Variants in EPHA6 observed in about 807,000 individuals in gnomAD.
EPHA6 encodes the protein EPH receptor A6.
In EPHA6, 50 loss-of-function variants were observed where a neutral mutation model predicts 112.0. That is an observed-to-expected ratio of 0.45 (90% CI 0.36 to 0.56). The LOEUF (loss-of-function observed/expected upper bound fraction) is 0.56, where lower values mean the gene tolerates loss of function less well. EPHA6 is among the 20% of genes least tolerant of loss of function. EPHA6 has a pLI of 0.00. For synonymous variants in EPHA6, 529 were observed against 490.7 expected (o/e 1.08, Z -1.03); for missense variants, 1,280 against 1,417.4 (o/e 0.90, Z 1.56).
chr3:97,568,280 C>G (rs1437082848), intron 11 of EPHA6, among the ~76,000 whole-genome samples: 1 of 152,134 alleles, frequency 6.6e-6, no homozygotes, highest in Admixed American at 6.5e-5. Context: ...TACAGAGAAT[C>G]ACACTGTATT....
chr3:96,873,152 C>G (rs1326450581), intron 2 of EPHA6, among the ~76,000 whole-genome samples: 6 of 151,936 alleles, frequency 3.9e-5, no homozygotes, highest in Admixed American at 6.6e-5. Flanking sequence ...GTAATCCTAG[C>G]TACTCAGGAG....
Position 97,081,256 on chromosome 3 carries a change from G to A in EPHA6, c.1114+93263G>A, listed in dbSNP as rs1016083043. ...TTTTAAAATATCTTCCAAAATTTTA[G>A]GAAAAATTACAAATAAACTATAACA... On this transcript the variant is annotated intron_variant, in intron 3 of 17. Transcript: ENST00000389672. Among the ~76,000 whole-genome samples, 47 of 151,850 alleles carry A rather than the reference G, an allele frequency of 3.1e-4. No homozygotes were observed. The East Asian group carries it at 8.9e-3, about 29-fold the overall frequency.
intron 2 of EPHA6, among the ~76,000 whole-genome samples, chr3:96,954,773 C>CTTTTTTTTTTTTTTTT (rs10612575): frequency 5.5e-5 from 4 of 72,686 alleles, no homozygotes; most frequent in African/African-American, 1.7e-4. Flanking sequence ...ACTGGTGTGC[C>CTTTTTTTTTTTTTTTT]TTTTTTTTTT....
intron 3 of EPHA6, among the ~76,000 whole-genome samples, chr3:97,021,894 C>T (rs1251888474): frequency 6.6e-6 from 1 of 152,204 alleles, no homozygotes; most frequent in Non-Finnish European, 1.5e-5. Flanking sequence ...GATGCCTTTT[C>T]ATTACTCAGG....
intron 5 of EPHA6, among the ~76,000 whole-genome samples, chr3:97,281,323 C>T (rs1248350532): frequency 6.6e-6 from 1 of 151,922 alleles, no homozygotes; most frequent in Non-Finnish European, 1.5e-5. Flanking sequence ...TTTATAACTT[C>T]TTTGGGGGAA....
At chr3:97,230,969 A>C (rs991367706) in intron 4 of EPHA6, among the ~76,000 whole-genome samples, 1 of 152,176 alleles carries the variant, frequency 6.6e-6, no homozygotes, top group African/African-American at 2.4e-5. Context: ...TGTAGATACA[A>C]ATTTTCCATA....
At chr3:97,309,228 T>C (rs1053533321) in intron 5 of EPHA6, among the ~76,000 whole-genome samples, 28 of 151,778 alleles carry the variant, frequency 1.8e-4, no homozygotes, top group African/African-American at 6.5e-4. Context: ...TATAGACACA[T>C]AAAAATAACA....
At chr3:96,923,155 C>T (rs545471080) in intron 2 of EPHA6, among the ~76,000 whole-genome samples, 1 of 152,052 alleles carries the variant, frequency 6.6e-6, no homozygotes, top group Non-Finnish European at 1.5e-5. Context: ...GGTGTATACC[C>T]AGTAATGGGA....
chr3:97,181,585 A>ATG (rs10663774), intron 3 of EPHA6, among the ~76,000 whole-genome samples: 52,547 of 150,770 alleles, frequency 0.35, 11,805 homozygotes, highest in African/African-American at 0.64. Flanking sequence ...GTATATATAT[A>ATG]TGTGTGTGTG....
At chr3:97,049,800 T>G (rs889197659) in intron 3 of EPHA6, among the ~76,000 whole-genome samples, 1 of 152,084 alleles carries the variant, frequency 6.6e-6, no homozygotes, top group African/African-American at 2.4e-5. Context: ...AACCAGATCT[T>G]CGGAGAACTG....
intron 3 of EPHA6, among the ~76,000 whole-genome samples, chr3:97,215,524 T>A (rs909274945): frequency 1.3e-5 from 2 of 152,028 alleles, no homozygotes; most frequent in Non-Finnish European, 1.5e-5. Context: ...GGCAGGAGAA[T>A]TGCTTGAACC....
At chr3:97,282,467 C>A (rs2080318783) in intron 5 of EPHA6, among the ~76,000 whole-genome samples, 1 of 152,046 alleles carries the variant, frequency 6.6e-6, no homozygotes, top group Admixed American at 6.6e-5. Context: ...ACCATTTGAC[C>A]CAGCAATCCC....
At chr3:96,992,170 T>C (rs2043240731) in intron 3 of EPHA6, among the ~76,000 whole-genome samples, 1 of 152,198 alleles carries the variant, frequency 6.6e-6, no homozygotes, top group Non-Finnish European at 1.5e-5. Context: ...GGTTTTTCTC[T>C]CTTCCAAGCT....
At chr3:97,298,956 G>GA (rs1263173168) in intron 5 of EPHA6, among the ~76,000 whole-genome samples, 4 of 151,852 alleles carry the variant, frequency 2.6e-5, no homozygotes, top group Admixed American at 1.3e-4. Flanking sequence ...TCTTTAACTT[G>GA]AAAAAATCAT....
chr3:97,024,950 T>G (rs563740288), intron 3 of EPHA6, among the ~76,000 whole-genome samples: 3 of 152,254 alleles, frequency 2.0e-5, no homozygotes, highest in African/African-American at 7.2e-5. Flanking sequence ...AATAAACCCA[T>G]GTAAGAAGTT....
chr3:96,820,136 A>G (rs936414252), intron 1 of EPHA6, among the ~76,000 whole-genome samples: 4 of 152,148 alleles, frequency 2.6e-5, no homozygotes, highest in Non-Finnish European at 5.9e-5. Flanking sequence ...AACTGAGTCC[A>G]GGGTGGACTG....
intron 3 of EPHA6, among the ~76,000 whole-genome samples, chr3:97,125,187 G>A (rs1371953252): frequency 6.6e-6 from 1 of 152,118 alleles, no homozygotes; most frequent in Non-Finnish European, 1.5e-5. Flanking sequence ...CACCAGAAGG[G>A]ACCATTATTT....
rs1190781592 is a variant in EPHA6 at position 97,737,979 on chromosome 3, A to AAC, written c.3128+1861_3128+1862insAC. Among the ~76,000 whole-genome samples, 8 of 152,230 alleles carry AAC rather than the reference A, an allele frequency of 5.3e-5. No homozygotes were observed. The East Asian group carries it at 1.5e-3, about 29-fold the overall frequency. On this transcript the variant is annotated intron_variant, in intron 16 of 17. Coordinates refer to ENST00000389672, the MANE Select transcript of EPHA6 (RefSeq NM_001080448.3). ...AGAGTTTCAAGGAGTATAATGTCCA[A>AAC]GCCTTCACAAAATTGCAGTAAAATA... is the stretch of plus-strand genomic sequence containing the variant.
intron 3 of EPHA6, among the ~76,000 whole-genome samples, chr3:97,185,611 G>C (rs1310924742): frequency 2.0e-5 from 3 of 152,000 alleles, no homozygotes; most frequent in Admixed American, 6.6e-5. Context: ...TTACACTGTT[G>C]GTGGGAATGT....
Sources: gnomAD v4.1 joint callset for allele counts (sites outside exome capture counted in the v4.1 genomes callset) on GRCh38, gnomAD v4.1.1 for gene constraint, MANE v1.5 for transcripts, NCBI Gene and HGNC (gene_info 2026-07-23, HGNC 2026-07-21) for gene names.